AUTS2: variants seen among roughly 807,000 people sequenced by gnomAD.
AUTS2 encodes the protein autism susceptibility gene 2 protein.
AUTS2 carries 17 observed loss-of-function variants against 112.4 expected under a neutral mutation model. The observed-to-expected ratio is 0.15, with a 90% CI of 0.10 to 0.23. AUTS2 has a LOEUF of 0.23. Ranked by LOEUF, AUTS2 falls within the 10% of genes least tolerant of loss-of-function variation. The pLI is 1.00. For missense variants in AUTS2, 1,510 were observed against 1,701.6 expected, an observed-to-expected ratio of 0.89 and a Z score of 1.98; for synonymous variants, 751 against 702.7, an observed-to-expected ratio of 1.07 and a Z score of -1.09.
chr7:70,688,282 C>T (rs1808569280), intron 5 of AUTS2, among the ~76,000 whole-genome samples: 1 of 152,136 alleles, frequency 6.6e-6, no homozygotes, highest in Non-Finnish European at 1.5e-5. Flanking sequence ...GGTACAAATT[C>T]CAAGATGTGG....
Position 70,766,508 on chromosome 7 carries a change from AG to A in AUTS2, c.1689+178del, listed in dbSNP as rs897204645. The stretch of plus-strand genomic sequence containing the variant: ...CCCTGCCTCAGGCAGCTCTGACTTC[AG>A]GGGCCTAAAGTAGGAACTTCTTTCT... On this transcript the variant is annotated intron_variant, in intron 9 of 18. Transcript: ENST00000342771. The surrounding 1 kb of genome is among the most constrained non-coding windows in gnomAD (Gnocchi z 4.8). Among the ~76,000 whole-genome samples, 2 of 152,206 alleles carry A rather than the reference AG, an allele frequency of 1.3e-5. No individual in the cohort carries two copies. The highest frequency in any genetic ancestry group is 4.8e-5 in the African/African-American group (2 of 41,446).
intron 2 of AUTS2, among the ~76,000 whole-genome samples, chr7:70,046,221 G>T (rs919237360): frequency 6.6e-6 from 1 of 152,018 alleles, no homozygotes; most frequent in East Asian, 1.9e-4. Flanking sequence ...GGGTGTAGAG[G>T]TTAAGAGCAT....
intron 2 of AUTS2, among the ~76,000 whole-genome samples, chr7:70,041,446 A>G (rs1304300275): frequency 2.0e-5 from 3 of 152,178 alleles, no homozygotes; most frequent in African/African-American, 7.2e-5. Flanking sequence ...TGTACTAATG[A>G]TAAGAATGAA....
In AUTS2 at chr7:70,671,364, C is replaced by T. The variant is rs1296206064; in HGVS notation, c.691-27205C>T. ...TGAAAGCTTGTCAATCCTGGGTAAC[C>T]GCTTGAAGAAAGGAACATTATCCCT... is the stretch of plus-strand genomic sequence containing the variant. On this transcript the variant is annotated intron_variant, in intron 5 of 18. Transcript: ENST00000342771. Among the ~76,000 whole-genome samples, 4 of 152,294 alleles carry T rather than the reference C, an allele frequency of 2.6e-5. No individual in the cohort carries two copies. The East Asian group carries it at 5.8e-4, about 22-fold the overall frequency.
At chr7:70,404,558 A>G (rs1242774194) in intron 4 of AUTS2, among the ~76,000 whole-genome samples, 1 of 152,186 alleles carries the variant, frequency 6.6e-6, no homozygotes, top group Non-Finnish European at 1.5e-5. Context: ...GGTTTGTTTT[A>G]AAGTGTGTGG....
intron 2 of AUTS2, among the ~76,000 whole-genome samples, chr7:70,107,140 A>G (rs758797141): frequency 9.9e-5 from 15 of 152,222 alleles, no homozygotes; most frequent in South Asian, 6.2e-4. Flanking sequence ...CTTTTTCTTT[A>G]TAATCCGATA....
At chr7:69,741,257 G>A (rs1787251204) in intron 1 of AUTS2, among the ~76,000 whole-genome samples, 1 of 152,106 alleles carries the variant, frequency 6.6e-6, no homozygotes, top group Non-Finnish European at 1.5e-5. Context: ...TGGGAACTTG[G>A]CATCCTGGAT....
At position 70,196,923 on chromosome 7, in the gene AUTS2, G is replaced by A. The variant is rs536240216; in HGVS notation, c.660+62352G>A. ...CTCTCTTAAGAAAAAGGTTTTGAGC[G>A]GTTGTCTTCTTTACACTTAGTGTAT... On this transcript the variant is annotated intron_variant, in intron 4 of 18. Coordinates refer to ENST00000342771, the MANE Select transcript of AUTS2 (RefSeq NM_015570.4). Among the ~76,000 whole-genome samples, 22 of 152,226 alleles carry A rather than the reference G, an allele frequency of 1.4e-4. No individual in the cohort carries two copies. In the South Asian group the frequency reaches 4.1e-3, roughly 29 times the overall value.
At chr7:70,460,687 A>G (rs916756227) in intron 5 of AUTS2, among the ~76,000 whole-genome samples, 3 of 152,096 alleles carry the variant, frequency 2.0e-5, no homozygotes, top group East Asian at 3.9e-4. Flanking sequence ...TCGGCTTCCT[A>G]TTGTGAGAAT....
At chr7:70,731,509 A>C (rs763489038) in intron 6 of AUTS2, among the ~76,000 whole-genome samples, 2 of 137,726 alleles carry the variant, frequency 1.5e-5, no homozygotes, top group South Asian at 2.3e-4. Flanking sequence ...GGCTCACTGC[A>C]AGCTCTGCCT....
intron 2 of AUTS2, among the ~76,000 whole-genome samples, chr7:70,096,376 C>G (rs997459836): frequency 6.6e-6 from 1 of 151,734 alleles, no homozygotes; most frequent in African/African-American, 2.4e-5. Flanking sequence ...GTGGGTGGAG[C>G]GCCTAAGGTC....
chr7:70,592,109 G>A (rs1162415262), intron 5 of AUTS2, among the ~76,000 whole-genome samples: 2 of 152,132 alleles, frequency 1.3e-5, no homozygotes, highest in African/African-American at 4.8e-5. Flanking sequence ...TGTAGAAAAT[G>A]TAATACATAT....
chr7:70,150,891 A>T (rs1298229735), intron 4 of AUTS2, among the ~76,000 whole-genome samples: 1 of 152,250 alleles, frequency 6.6e-6, no homozygotes, highest in Non-Finnish European at 1.5e-5. Flanking sequence ...ATTAGAAACA[A>T]CCAAAACAAA....
chr7:70,554,466 A>G (rs1013226811), intron 5 of AUTS2, among the ~76,000 whole-genome samples: 7 of 148,296 alleles, frequency 4.7e-5, no homozygotes, highest in Non-Finnish European at 7.4e-5. Context: ...CCTTTTGACA[A>G]TTCAACTACC....
At chr7:70,118,283 A>G in intron 3 of AUTS2, 50 bp downstream of exon 3, 3 of 1,495,540 alleles carry the variant, frequency 2.0e-6, no homozygotes, top group Non-Finnish European at 2.7e-6. Flanking sequence ...GAAAACCACT[A>G]GGCCACACAC....
intron 4 of AUTS2, among the ~76,000 whole-genome samples, chr7:70,280,926 AT>A (rs1788185395): frequency 6.6e-6 from 1 of 152,170 alleles, no homozygotes; most frequent in African/African-American, 2.4e-5. Context: ...AAGAAGTATA[AT>A]AAATTTATTA....
At chr7:70,514,736 C>T (rs552085583) in intron 5 of AUTS2, among the ~76,000 whole-genome samples, 12 of 152,290 alleles carry the variant, frequency 7.9e-5, no homozygotes, top group African/African-American at 1.4e-4. Context: ...AGTTGCTCTG[C>T]GGTGGTTGAA....
intron 1 of AUTS2, among the ~76,000 whole-genome samples, chr7:69,806,709 A>C (rs1408228140): frequency 6.6e-6 from 1 of 152,214 alleles, no homozygotes; most frequent in African/African-American, 2.4e-5. Flanking sequence ...GAAAGTAAGC[A>C]ATCTGGCCAA....
intron 1 of AUTS2, among the ~76,000 whole-genome samples, chr7:69,623,871 C>CA (rs1432892224): frequency 5.3e-5 from 8 of 152,046 alleles, no homozygotes; most frequent in Non-Finnish European, 8.8e-5. Context: ...CCCCTCCCCA[C>CA]AAAAAATGAT....
Sources: allele counts gnomAD v4.1 joint callset (sites outside exome capture counted in the v4.1 genomes callset), GRCh38; gene constraint gnomAD v4.1.1; non-coding constraint Gnocchi (gnomAD v3.1); transcripts MANE v1.5; gene names NCBI Gene and HGNC (gene_info 2026-07-23, HGNC 2026-07-21).